The following GRB10 variants were observed in gnomAD, a reference collection of about 807,000 sequenced individuals.
GRB10 encodes growth factor receptor bound protein 10, also known as growth factor receptor-bound protein 10.
GRB10 carries 20 observed loss-of-function variants against 80.9 expected under a neutral mutation model. The ratio of observed to expected loss-of-function variants is 0.25; its 90% CI spans 0.17 to 0.36. The LOEUF is 0.36. GRB10 is among the 10% of genes least tolerant of loss of function. The probability of loss-of-function intolerance (pLI) is 1.00; values close to 1 mark genes in which losing one functional copy is unlikely to be tolerated. For missense variants in GRB10, 548 were observed against 747.7 expected, an observed-to-expected ratio of 0.73 and a Z score of 3.12; for synonymous variants, 291 against 291.5, an observed-to-expected ratio of 1.00 and a Z score of 0.02.
intron 4 of GRB10, chr7:50,727,153 G>A (rs2068784232): frequency 6.6e-6 from 1 of 152,250 alleles, no homozygotes; most frequent in Admixed American, 6.5e-5. Context: ...AACAGGAAGA[G>A]CTTAATCTTT....
intron 1 of GRB10, chr7:50,781,100 C>T (rs922804856): frequency 6.6e-6 from 1 of 152,184 alleles, no homozygotes; most frequent in African/African-American, 2.4e-5. Flanking sequence ...CACCATGTTC[C>T]TCAGCAGTTA....
intron 7 of GRB10, among the ~76,000 whole-genome samples, chr7:50,633,725 T>C (rs866646411): frequency 1.3e-4 from 8 of 62,282 alleles, no homozygotes; most frequent in African/African-American, 4.6e-4. Context: ...CAACAACAAC[T>C]TTTGGAAATG....
At chr7:50,764,197 G>C (rs1393871133) in intron 2 of GRB10, among the ~76,000 whole-genome samples, 2 of 152,140 alleles carry the variant, frequency 1.3e-5, no homozygotes, top group African/African-American at 4.8e-5. Context: ...CATCCACCCT[G>C]TCCTGTCCCT....
intron 5 of GRB10, among the ~76,000 whole-genome samples, chr7:50,688,791 G>A (rs1022607354): frequency 4.6e-5 from 7 of 151,988 alleles, no homozygotes; most frequent in African/African-American, 7.3e-5. Flanking sequence ...GGGTGGGTGA[G>A]GGGGGGCAGA....
chr7:50,624,754 GAAGGATATTCT>G (rs942250113), intron 8 of GRB10, among the ~76,000 whole-genome samples: 53 of 152,260 alleles, frequency 3.5e-4, no homozygotes, highest in African/African-American at 1.3e-3. Context: ...GGAAGGAGAG[GAAGGATATTCT>G]AAGGAATTTC....
intron 4 of GRB10, among the ~76,000 whole-genome samples, chr7:50,713,019 C>A (rs972784551): frequency 6.6e-6 from 1 of 152,194 alleles, no homozygotes; most frequent in Non-Finnish European, 1.5e-5. Context: ...AATGCCTTTG[C>A]CAAGTCAGTT....
chr7:50,628,820 A>C (rs902061966), intron 7 of GRB10, among the ~76,000 whole-genome samples: 3 of 152,206 alleles, frequency 2.0e-5, no homozygotes, highest in Non-Finnish European at 4.4e-5. Context: ...TCTCTTTTCC[A>C]GAATTTATGT....
At chr7:50,722,795 CT>C (rs2067973074) in intron 4 of GRB10, among the ~76,000 whole-genome samples, 1 of 152,158 alleles carries the variant, frequency 6.6e-6, no homozygotes, top group African/African-American at 2.4e-5. Context: ...CATAAAGCCT[CT>C]CCTCAGAAGC....
intron 2 of GRB10, chr7:50,779,894 G>C (rs1272412666): frequency 6.6e-6 from 1 of 152,164 alleles, no homozygotes; most frequent in Non-Finnish European, 1.5e-5. Context: ...GTTCAGCCCA[G>C]ACTCTTCCAG....
intron 15 of GRB10, among the ~76,000 whole-genome samples, 155 bp from the exon 16 acceptor site, chr7:50,604,532 C>A (rs369690771): frequency 1.3e-4 from 20 of 152,260 alleles, no homozygotes; most frequent in African/African-American, 4.8e-4. Flanking sequence ...CCCCTGAGAA[C>A]AAAGAGCTCA....
At chr7:50,709,234 C>A (rs933243137) in intron 4 of GRB10, among the ~76,000 whole-genome samples, 6 of 152,228 alleles carry the variant, frequency 3.9e-5, no homozygotes, top group Non-Finnish European at 8.8e-5. Context: ...GACCCAGTCC[C>A]AGGCCCTGTG....
At chr7:50,618,618 C>T (rs1047083025) in intron 9 of GRB10, among the ~76,000 whole-genome samples, 5 of 152,220 alleles carry the variant, frequency 3.3e-5, no homozygotes, top group Non-Finnish European at 5.9e-5. Flanking sequence ...GTTGATGCAG[C>T]TCTGACCCAT....
At chr7:50,760,128 T>C (rs1221332813) in intron 2 of GRB10, among the ~76,000 whole-genome samples, 1 of 151,858 alleles carries the variant, frequency 6.6e-6, no homozygotes. Flanking sequence ...CACAGGGAGG[T>C]CAGAGGCTGC....
intron 5 of GRB10, among the ~76,000 whole-genome samples, chr7:50,698,807 G>A (rs2063775143): frequency 6.6e-6 from 1 of 152,150 alleles, no homozygotes; most frequent in South Asian, 2.1e-4. Flanking sequence ...ATTAAAGTTA[G>A]GAAACATTTT....
intron 14 of GRB10, 140 bp downstream of exon 14, chr7:50,606,197 G>C (rs2048491525): frequency 1.3e-6 from 1 of 783,860 alleles, no homozygotes; most frequent in Admixed American, 1.8e-5. Context: ...CGTCATCGTG[G>C]GACATACTGG....
At chr7:50,763,031 T>C (rs1053477216) in intron 2 of GRB10, among the ~76,000 whole-genome samples, 3 of 149,872 alleles carry the variant, frequency 2.0e-5, no homozygotes, top group African/African-American at 7.4e-5. Context: ...GGCAGGAGAA[T>C]GGCATGAACC....
intron 3 of GRB10, among the ~76,000 whole-genome samples, chr7:50,752,819 G>C (rs1198766751): frequency 6.6e-6 from 1 of 152,150 alleles, no homozygotes; most frequent in Non-Finnish European, 1.5e-5. Context: ...TTGAACCCCA[G>C]GCAACCCCTA....
intron 7 of GRB10, among the ~76,000 whole-genome samples, chr7:50,637,057 A>G (rs895269005): frequency 4.6e-5 from 7 of 152,052 alleles, no homozygotes; most frequent in African/African-American, 1.7e-4. Flanking sequence ...GCTCACTGCA[A>G]CCTCCATCTC....
At chr7:50,631,458 C>T (rs948040423) in intron 7 of GRB10, among the ~76,000 whole-genome samples, 2 of 152,172 alleles carry the variant, frequency 1.3e-5, no homozygotes, top group African/African-American at 4.8e-5. Flanking sequence ...GCTCTTGCGA[C>T]CAGTTTCATC....
Sources: allele counts gnomAD v4.1 joint callset (sites outside exome capture counted in the v4.1 genomes callset), GRCh38; gene constraint gnomAD v4.1.1; transcripts MANE v1.5; gene names NCBI Gene and HGNC (gene_info 2026-07-23, HGNC 2026-07-21).